The following ALG13 variants were observed in gnomAD, a reference collection of about 807,000 sequenced individuals.
ALG13 encodes UDP-N-acetylglucosamine transferase subunit ALG13.
Under a neutral mutation model 87.8 loss-of-function variants are expected in ALG13, and 11 were observed. The observed-to-expected ratio is 0.13, with a 90% CI of 0.08 to 0.21. ALG13 has a LOEUF of 0.21. ALG13 is among the 10% of genes least tolerant of loss of function. The probability of loss-of-function intolerance (pLI) is 1.00; values close to 1 mark genes in which losing one functional copy is unlikely to be tolerated. For synonymous variants in ALG13, 320 were observed against 306.3 expected (o/e 1.04, Z -0.47); for missense variants, 756 against 866.1 (o/e 0.87, Z 1.60).
intron 7 of ALG13, 45 bp downstream of exon 7, chrX:111,712,575 T>C: frequency 2.4e-6 from 2 of 821,329 alleles, no homozygotes; most frequent in South Asian, 3.0e-5. Flanking sequence ...TGTGCATGCA[T>C]GTGTGTATAA....
chrX:111,750,763 G>A (rs1189143049), intron 24 of ALG13, among the ~76,000 whole-genome samples: 1 of 110,267 alleles, frequency 9.1e-6, no homozygotes, highest in Non-Finnish European at 1.9e-5. Flanking sequence ...TGCCTCCCGA[G>A]CTCAAGCAAT....
chrX:111,744,963 A>C, intron 24 of ALG13, 59 bp downstream of exon 24: 1 of 994,940 alleles, frequency 1.0e-6, no homozygotes, highest in Non-Finnish European at 1.4e-6. Flanking sequence ...TTGTTAGAGC[A>C]TATCTCTCTT....
chrX:111,757,774 A>G lies in ALG13; in HGVS notation c.3148+12A>G. 1 of 1,195,952 alleles carries G rather than the reference A, an allele frequency of 8.4e-7. No homozygotes were observed. The highest frequency in any genetic ancestry group is 1.1e-6 in the Non-Finnish European group (1 of 888,022). ...AGCATCAGCAAATGGTGAGTGTGTA[A>G]TGAGATTGCCAGCAAGAAAGACAGT... On this transcript the variant is annotated intron_variant, in intron 26 of 26. Coordinates refer to ENST00000394780, the MANE Select transcript of ALG13 (RefSeq NM_001099922.3).
chrX:111,702,048 A>G (rs934864515), intron 3 of ALG13, among the ~76,000 whole-genome samples: 15 of 111,616 alleles, frequency 1.3e-4, no homozygotes, highest in African/African-American at 2.6e-4. Context: ...TATGATTTCA[A>G]TTTCCTTAAA....
chrX:111,681,731 C>G, intron 1 of ALG13: 1 of 833,626 alleles, frequency 1.2e-6, no homozygotes, highest in Non-Finnish European at 1.4e-6. Context: ...CCTCAGAGCC[C>G]GGCTCCTTCC....
chrX:111,755,035 A>C (rs1188227329), intron 25 of ALG13, among the ~76,000 whole-genome samples: 1 of 112,136 alleles, frequency 8.9e-6, no homozygotes, highest in Non-Finnish European at 1.9e-5. Flanking sequence ...ACAAGGCCAC[A>C]GTAACCAAAA....
chrX:111,726,909 C>G lies in ALG13; in HGVS notation c.1830C>G (p.Leu610=), dbSNP rs771232900. ...TGGCTTACGGCAAGGGAGACCCCCT[C>G]CTCCCACCCAGGCTGCAGCACAGTA... The part of the protein sequence containing the change: ...MTMAYGKGDP[L]LPPRLQHSMH... Residue 610 remains leucine (L), a synonymous_variant, in exon 16 of 27, where the codon CTC becomes CTG. Transcript: ENST00000394780. The G allele has an allele frequency of 1.7e-5, 20 of 1,211,327 alleles. No individual in the cohort carries two copies. The highest frequency in any genetic ancestry group is 2.2e-5 in the Non-Finnish European group (20 of 895,249).
At chrX:111,716,560 C>G (rs943716378) in intron 8 of ALG13, among the ~76,000 whole-genome samples, 3 of 112,140 alleles carry the variant, frequency 2.7e-5, no homozygotes, top group Non-Finnish European at 5.6e-5. Flanking sequence ...TTAATAAACT[C>G]TTAAATGCAA....
chrX:111,745,891 C>G (rs1019919851), intron 24 of ALG13, among the ~76,000 whole-genome samples: 1 of 111,014 alleles, frequency 9.0e-6, no homozygotes, highest in Non-Finnish European at 1.9e-5. Flanking sequence ...TACCTGTACC[C>G]GAGATGTACT....
chrX:111,716,548 G>C (rs748367451), intron 8 of ALG13, among the ~76,000 whole-genome samples: 73 of 112,074 alleles, frequency 6.5e-4, no homozygotes, highest in African/African-American at 2.3e-3. Context: ...TGTTCTTATG[G>C]GTTAATAAAC....
chrX:111,728,596 T>A (rs1400265362), intron 19 of ALG13, among the ~76,000 whole-genome samples: 1 of 111,582 alleles, frequency 9.0e-6, no homozygotes, highest in African/African-American at 3.3e-5. Context: ...ATGGAAAACA[T>A]CTATTCGTTG....
At chrX:111,708,541 C>A in intron 4 of ALG13, 148 bp downstream of exon 4, 2 of 651,113 alleles carry the variant, frequency 3.1e-6, no homozygotes, top group Non-Finnish European at 4.6e-6. Flanking sequence ...AAGCTGCCTG[C>A]TCTTATTAGC....
At chrX:111,684,613 C>T (rs985241175) in intron 2 of ALG13, among the ~76,000 whole-genome samples, 54 of 112,259 alleles carry the variant, frequency 4.8e-4, no homozygotes, top group African/African-American at 1.7e-3. Flanking sequence ...GCATAAGCCA[C>T]TGCACCTAGC....
chrX:111,723,465 G>A (rs1941638093), intron 13 of ALG13, among the ~76,000 whole-genome samples: 1 of 110,739 alleles, frequency 9.0e-6, no homozygotes, highest in Admixed American at 9.7e-5. Flanking sequence ...ATAGAAACAG[G>A]GTCTTACTAT....
At chrX:111,715,850 T>A (rs1419293378) in intron 8 of ALG13, among the ~76,000 whole-genome samples, 1 of 112,817 alleles carries the variant, frequency 8.9e-6, no homozygotes, top group Non-Finnish European at 1.9e-5. Context: ...ATCTTGTGTG[T>A]TGACTTAATT....
At chrX:111,688,977 CTTCCA>C (rs1935637201) in intron 3 of ALG13, 9 of 741,348 alleles carry the variant, frequency 1.2e-5, no homozygotes, top group Non-Finnish European at 1.4e-5. Context: ...AAAGACCTCT[CTTCCA>C]TTCCAATCAT....
intron 12 of ALG13, 30 bp from the exon 13 acceptor site, chrX:111,722,763 T>G: frequency 2.8e-5 from 30 of 1,066,175 alleles, no homozygotes; most frequent in African/African-American, 3.6e-5. Context: ...CCAGTTTAGT[T>G]GAGCTTGAAT....
intron 3 of ALG13, among the ~76,000 whole-genome samples, chrX:111,692,938 G>A (rs1936375299): frequency 9.0e-6 from 1 of 110,592 alleles, no homozygotes; most frequent in South Asian, 3.9e-4. Flanking sequence ...ACAGGCATGG[G>A]CCACTACACC....
intron 3 of ALG13, among the ~76,000 whole-genome samples, chrX:111,693,164 CTTTTTTT>C (rs61239915): frequency 2.0e-4 from 11 of 55,117 alleles, no homozygotes; most frequent in South Asian, 1.0e-3. Context: ...GTTTTTAATT[CTTTTTTT>C]TTTTTTTTTT....
Sources: gnomAD v4.1 joint callset for allele counts (sites outside exome capture counted in the v4.1 genomes callset) on GRCh38, gnomAD v4.1.1 for gene constraint, MANE v1.5 for transcripts, NCBI Gene and HGNC (gene_info 2026-07-23, HGNC 2026-07-21) for gene names.